Variants in PTPRD observed in about 807,000 individuals in gnomAD.
PTPRD encodes receptor-type tyrosine-protein phosphatase delta.
In PTPRD, 34 loss-of-function variants were observed where a neutral mutation model predicts 214.5. The observed-to-expected ratio is 0.16, with a 90% CI of 0.12 to 0.21. The LOEUF is 0.21. Ranked by LOEUF, PTPRD falls within the 10% of genes least tolerant of loss-of-function variation. The pLI is 1.00. For synonymous variants in PTPRD, 1,128 were observed against 845.7 expected (o/e 1.33, Z -5.79); for missense variants, 2,545 against 2,398.7 (o/e 1.06, Z -1.27).
chr9:9,092,342 G>T (rs937435482), intron 10 of PTPRD, among the ~76,000 whole-genome samples: 1 of 152,038 alleles, frequency 6.6e-6, no homozygotes, highest in Non-Finnish European at 1.5e-5. Flanking sequence ...ATAAAGGTAT[G>T]CTGTTTTCAT....
intron 2 of PTPRD, among the ~76,000 whole-genome samples, chr9:10,362,834 C>G (rs575657635): frequency 6.6e-6 from 1 of 152,244 alleles, no homozygotes; most frequent in South Asian, 2.1e-4. Flanking sequence ...GAGCCGACAT[C>G]GTGCCACTGC....
chr9:8,584,546 A>G (rs2093476575), intron 14 of PTPRD, among the ~76,000 whole-genome samples: 2 of 152,214 alleles, frequency 1.3e-5, no homozygotes, highest in South Asian at 2.1e-4. Context: ...CAAAAATACT[A>G]TTGGTTTTGA....
At chr9:10,432,706 A>G (rs1156764276) in intron 2 of PTPRD, among the ~76,000 whole-genome samples, 2 of 151,976 alleles carry the variant, frequency 1.3e-5, no homozygotes, top group Non-Finnish European at 2.9e-5. Context: ...TCTAAAGGAC[A>G]ACGTTAAATG....
intron 9 of PTPRD, among the ~76,000 whole-genome samples, chr9:9,286,067 G>A (rs1024605803): frequency 6.6e-6 from 1 of 151,736 alleles, no homozygotes; most frequent in African/African-American, 2.4e-5. Context: ...CCTAAAAAAT[G>A]TTGTTAGTAT....
chr9:10,450,070 C>T (rs1009958964), intron 2 of PTPRD, among the ~76,000 whole-genome samples: 3 of 151,432 alleles, frequency 2.0e-5, no homozygotes, highest in East Asian at 1.9e-4. Flanking sequence ...ATCACCACTC[C>T]GTAATCTCAA....
rs187833041 is a variant in PTPRD at position 10,101,664 on chromosome 9, A to C, written c.-544-67874T>G. 2.8e-4 allele frequency among the ~76,000 whole-genome samples: 43 copies of C among 151,850 alleles called. 2 individuals carry two copies. In the East Asian group the frequency reaches 8.0e-3, roughly 28 times the overall value. On this transcript the variant is annotated intron_variant, in intron 3 of 45. Coordinates refer to ENST00000381196, the MANE Select transcript of PTPRD (RefSeq NM_002839.4). ...TTGCACAGGTCCTATTACTACACCT[A>C]TACGGTATATTTTAAGGGTGAAACA...
chr9:9,368,090 A>G (rs923738590), intron 9 of PTPRD, among the ~76,000 whole-genome samples: 3 of 151,748 alleles, frequency 2.0e-5, no homozygotes, highest in Non-Finnish European at 4.4e-5. Context: ...CAGTGTGTAC[A>G]TTTTATTTAC....
intron 8 of PTPRD, among the ~76,000 whole-genome samples, chr9:9,408,023 A>G (rs1003859650): frequency 1.3e-5 from 2 of 151,962 alleles, no homozygotes; most frequent in Admixed American, 1.3e-4. Flanking sequence ...TAAGTTACCC[A>G]GAAGTACAGC....
At chr9:9,550,313 C>G (rs1037852456) in intron 8 of PTPRD, among the ~76,000 whole-genome samples, 1 of 151,144 alleles carries the variant, frequency 6.6e-6, no homozygotes, top group Non-Finnish European at 1.5e-5. Context: ...ATCACATAAA[C>G]CAATTTCTTA....
intron 5 of PTPRD, among the ~76,000 whole-genome samples, chr9:9,835,057 A>AT (rs751615665): frequency 7.9e-5 from 12 of 152,088 alleles, no homozygotes; most frequent in Non-Finnish European, 1.6e-4. Context: ...TTACATAATC[A>AT]TCCAAAAGGG....
Position 8,426,764 on chromosome 9 carries a change from C to G in PTPRD, c.4086+9828G>C, listed in dbSNP as rs185389957. ...ACAAAAGGCTCTACTATGAAAGATA[C>G]GAAGTTTAATGTTAGTAAAGAAAAT... On this transcript the variant is annotated intron_variant, in intron 35 of 45. Transcript: ENST00000381196. 1.2e-3 allele frequency among the ~76,000 whole-genome samples: 180 copies of G among 146,064 alleles called. 1 individual carries two copies. Among genetic ancestry groups the G allele is most frequent in the African/African-American group, 4.4e-3 (176 of 39,562 alleles).
At chr9:9,765,825 TA>T (rs1349226077) in intron 6 of PTPRD, among the ~76,000 whole-genome samples, 2 of 150,368 alleles carry the variant, frequency 1.3e-5, no homozygotes, top group East Asian at 2.3e-4. Context: ...CACCCCTGGC[TA>T]ATTTTTTTTT....
intron 14 of PTPRD, among the ~76,000 whole-genome samples, chr9:8,628,465 AG>A (rs1192098072): frequency 6.6e-6 from 1 of 151,762 alleles, no homozygotes; most frequent in Non-Finnish European, 1.5e-5. Flanking sequence ...TTACTATCTC[AG>A]TAACAGTCAC....
intron 3 of PTPRD, among the ~76,000 whole-genome samples, chr9:10,093,748 A>G (rs969864745): frequency 2.0e-5 from 3 of 151,482 alleles, no homozygotes; most frequent in South Asian, 2.1e-4. Context: ...TTGGAATACT[A>G]TGCAGCCATA....
chr9:8,320,809 A>C (rs1422948887), intron 44 of PTPRD, among the ~76,000 whole-genome samples: 1 of 152,140 alleles, frequency 6.6e-6, no homozygotes, highest in Non-Finnish European at 1.5e-5. Context: ...AAGAAAGAAA[A>C]TTAATTCATA....
chr9:9,100,348 A>C (rs1052347288), intron 10 of PTPRD, among the ~76,000 whole-genome samples: 18 of 152,172 alleles, frequency 1.2e-4, no homozygotes, highest in African/African-American at 4.1e-4. Context: ...AAAGAGCATG[A>C]TGTCCTAAGA....
chr9:9,339,049 T>A (rs1378652474), intron 9 of PTPRD, among the ~76,000 whole-genome samples: 1 of 152,120 alleles, frequency 6.6e-6, no homozygotes, highest in African/African-American at 2.4e-5. Flanking sequence ...GAGCTATAAA[T>A]GGAAAATACA....
intron 11 of PTPRD, among the ~76,000 whole-genome samples, chr9:8,969,524 G>C (rs1294479869): frequency 6.6e-6 from 1 of 151,926 alleles, no homozygotes; most frequent in Non-Finnish European, 1.5e-5. Flanking sequence ...TCAAAGCAAA[G>C]GTAACATACA....
chr9:8,821,088 A>G (rs918980981), intron 11 of PTPRD, among the ~76,000 whole-genome samples: 6 of 152,158 alleles, frequency 3.9e-5, no homozygotes, highest in Non-Finnish European at 8.8e-5. Context: ...AAAAGGTATG[A>G]TCAGCCCCTT....
Sources: gnomAD v4.1 joint callset for allele counts (sites outside exome capture counted in the v4.1 genomes callset) on GRCh38, gnomAD v4.1.1 for gene constraint, MANE v1.5 for transcripts, NCBI Gene and HGNC (gene_info 2026-07-23, HGNC 2026-07-21) for gene names.